AGBL4: variants seen among roughly 807,000 people sequenced by gnomAD.
AGBL4 encodes AGBL carboxypeptidase 4.
Under a neutral mutation model 66.4 loss-of-function variants are expected in AGBL4, and 58 were observed. That is an observed-to-expected ratio of 0.87 (90% CI 0.71 to 1.09). AGBL4 has a LOEUF of 1.09. AGBL4 is among the 50% of genes least tolerant of loss of function. AGBL4 has a pLI of 0.00. For synonymous variants in AGBL4, 234 were observed against 222.9 expected, an observed-to-expected ratio of 1.05 and a Z score of -0.44; for missense variants, 579 against 631.0, an observed-to-expected ratio of 0.92 and a Z score of 0.88.
intron 4 of AGBL4, among the ~76,000 whole-genome samples, chr1:49,216,930 T>C (rs989954384): frequency 6.6e-6 from 1 of 152,128 alleles, no homozygotes; most frequent in Non-Finnish European, 1.5e-5. Context: ...CCTCGGTCCT[T>C]TGCCCATTCA....
intron 2 of AGBL4, among the ~76,000 whole-genome samples, chr1:49,835,230 A>C (rs1422289357): frequency 6.6e-6 from 1 of 152,110 alleles, no homozygotes; most frequent in Non-Finnish European, 1.5e-5. Context: ...GTCTCTAAGA[A>C]CTTGCTTCAT....
intron 4 of AGBL4, among the ~76,000 whole-genome samples, chr1:49,139,265 A>G (rs1646070968): frequency 6.6e-6 from 1 of 152,146 alleles, no homozygotes; most frequent in African/African-American, 2.4e-5. Flanking sequence ...TTTAAGTGCA[A>G]TAATTCAGGC....
intron 4 of AGBL4, among the ~76,000 whole-genome samples, chr1:49,063,135 T>C (rs1414060429): frequency 1.3e-5 from 2 of 152,146 alleles, no homozygotes; most frequent in Admixed American, 6.5e-5. Flanking sequence ...TTTTTTCATA[T>C]AAGAAAAGCA....
intron 3 of AGBL4, among the ~76,000 whole-genome samples, chr1:49,540,831 C>G (rs572213918): frequency 6.6e-6 from 1 of 152,158 alleles, no homozygotes; most frequent in South Asian, 2.1e-4. Flanking sequence ...TAAGCTAAGT[C>G]CAATCTTTAT....
intron 5 of AGBL4, among the ~76,000 whole-genome samples, chr1:49,027,574 T>C (rs1571264041): frequency 6.6e-6 from 1 of 151,904 alleles, no homozygotes; most frequent in Non-Finnish European, 1.5e-5. Flanking sequence ...ACTCCAAGAG[T>C]ATGCCATCAA....
intron 5 of AGBL4, among the ~76,000 whole-genome samples, chr1:48,959,831 G>A (rs1657807646): frequency 6.6e-6 from 1 of 152,196 alleles, no homozygotes. Context: ...AGAGGGAGGT[G>A]AAGAATAGAT....
chr1:48,740,794 G>A (rs1224965342), intron 6 of AGBL4, among the ~76,000 whole-genome samples: 1 of 152,132 alleles, frequency 6.6e-6, no homozygotes, highest in Non-Finnish European at 1.5e-5. Context: ...AGAACAATGA[G>A]GGCTACTTCT....
At chr1:49,805,058 T>G (rs931866846) in intron 2 of AGBL4, among the ~76,000 whole-genome samples, 8 of 152,066 alleles carry the variant, frequency 5.3e-5, no homozygotes, top group African/African-American at 1.9e-4. Flanking sequence ...ATAGTGAAAA[T>G]GTACAAGAAC....
chr1:50,018,152 T>C (rs1662134084), intron 1 of AGBL4, among the ~76,000 whole-genome samples: 1 of 152,194 alleles, frequency 6.6e-6, no homozygotes, highest in Non-Finnish European at 1.5e-5. Flanking sequence ...TATAAAATTT[T>C]AGAAGTCTTT....
chr1:49,481,521 C>T (rs1474300075), intron 3 of AGBL4, among the ~76,000 whole-genome samples: 1 of 151,652 alleles, frequency 6.6e-6, no homozygotes, highest in Non-Finnish European at 1.5e-5. Context: ...GTTTAAGAAG[C>T]TTTTGGACTG....
At chr1:49,879,529 C>CGCT (rs1469904961) in intron 1 of AGBL4, among the ~76,000 whole-genome samples, 5 of 147,604 alleles carry the variant, frequency 3.4e-5, no homozygotes, top group African/African-American at 1.0e-4. Context: ...CCGAGAGATC[C>CGCT]GCTGTTAGTC....
chr1:48,897,957 A>C (rs1373152137), intron 5 of AGBL4, among the ~76,000 whole-genome samples: 2 of 151,904 alleles, frequency 1.3e-5, no homozygotes, highest in East Asian at 1.9e-4. Flanking sequence ...CTACAGGCAC[A>C]TGCCACCATA....
At chr1:49,136,626 C>A (rs1382803045) in intron 4 of AGBL4, among the ~76,000 whole-genome samples, 1 of 152,074 alleles carries the variant, frequency 6.6e-6, no homozygotes, top group African/African-American at 2.4e-5. Context: ...ATTACAAATT[C>A]TTTTCAATAA....
intron 4 of AGBL4, among the ~76,000 whole-genome samples, chr1:49,228,463 G>A (rs1650070709): frequency 1.3e-5 from 2 of 152,162 alleles, no homozygotes; most frequent in Non-Finnish European, 2.9e-5. Flanking sequence ...GATAAGTAGG[G>A]TAGATGCCAT....
intron 2 of AGBL4, among the ~76,000 whole-genome samples, chr1:49,703,834 G>A (rs1647149221): frequency 1.3e-5 from 2 of 151,928 alleles, no homozygotes; most frequent in South Asian, 4.1e-4. Flanking sequence ...GTAAAGAATA[G>A]AAAATTGACA....
At chr1:49,442,032 G>A (rs543028133) in intron 3 of AGBL4, among the ~76,000 whole-genome samples, 20 of 152,304 alleles carry the variant, frequency 1.3e-4, no homozygotes, top group Admixed American at 1.2e-3. Flanking sequence ...CCATTCCTCA[G>A]GGTGATCAGC....
intron 5 of AGBL4, among the ~76,000 whole-genome samples, chr1:48,911,343 C>T (rs544760702): frequency 2.7e-4 from 41 of 152,198 alleles, no homozygotes; most frequent in South Asian, 1.5e-3. Context: ...CCTGGCCGGG[C>T]GTGGTGGCTC....
chr1:48,581,870 C>G (rs902120777), intron 11 of AGBL4, among the ~76,000 whole-genome samples: 2 of 152,176 alleles, frequency 1.3e-5, no homozygotes, highest in African/African-American at 4.8e-5. Context: ...GAGAATGACG[C>G]AAAAGAGAAC....
At chr1:49,231,766 T>C (rs1365986382) in intron 4 of AGBL4, among the ~76,000 whole-genome samples, 2 of 152,206 alleles carry the variant, frequency 1.3e-5, no homozygotes, top group Non-Finnish European at 2.9e-5. Context: ...TTTGATTTTG[T>C]GATGATGTGA....
Sources: gnomAD v4.1 joint callset for allele counts (sites outside exome capture counted in the v4.1 genomes callset) on GRCh38, gnomAD v4.1.1 for gene constraint, MANE v1.5 for transcripts, NCBI Gene and HGNC (gene_info 2026-07-23, HGNC 2026-07-21) for gene names.